The following ASIC2 variants were observed in gnomAD, a reference collection of about 807,000 sequenced individuals.
ASIC2 encodes the protein acid-sensing ion channel 2.
ASIC2 carries 25 observed loss-of-function variants against 57.3 expected under a neutral mutation model. The ratio of observed to expected loss-of-function variants is 0.44; its 90% CI spans 0.32 to 0.61. The LOEUF is 0.61. Ranked by LOEUF, ASIC2 falls within the 20% of genes least tolerant of loss-of-function variation. ASIC2 has a pLI of 0.06. For missense variants in ASIC2, 641 were observed against 738.1 expected, an observed-to-expected ratio of 0.87 and a Z score of 1.52; for synonymous variants, 319 against 307.5, an observed-to-expected ratio of 1.04 and a Z score of -0.39.
intron 1 of ASIC2, among the ~76,000 whole-genome samples, chr17:33,829,216 C>T (rs558104022): frequency 7.9e-5 from 12 of 152,236 alleles, no homozygotes; most frequent in African/African-American, 2.9e-4. Context: ...CACCCTTAGT[C>T]GTGGAACAGA....
At chr17:33,968,362 C>G (rs1318468750) in intron 1 of ASIC2, among the ~76,000 whole-genome samples, 1 of 152,156 alleles carries the variant, frequency 6.6e-6, no homozygotes, top group Non-Finnish European at 1.5e-5. Flanking sequence ...AAAAATAAAG[C>G]CCGCCTGCAA....
chr17:33,256,790 C>T (rs1470742123), intron 1 of ASIC2, among the ~76,000 whole-genome samples: 1 of 152,142 alleles, frequency 6.6e-6, no homozygotes, highest in African/African-American at 2.4e-5. Context: ...CAAGATTGTG[C>T]CACTGCACTC....
chr17:34,025,711 C>T (rs1907352000), intron 1 of ASIC2, among the ~76,000 whole-genome samples: 1 of 152,174 alleles, frequency 6.6e-6, no homozygotes, highest in Non-Finnish European at 1.5e-5. Flanking sequence ...CTTACTAATC[C>T]TTTAGCCATG....
chr17:33,547,685 C>T (rs1264266065), intron 1 of ASIC2, among the ~76,000 whole-genome samples: 1 of 152,190 alleles, frequency 6.6e-6, no homozygotes, highest in Non-Finnish European at 1.5e-5. Context: ...CTGGCTGGGA[C>T]AACTCATCCC....
intron 1 of ASIC2, among the ~76,000 whole-genome samples, chr17:33,734,505 G>A (rs79590368): frequency 7.7e-4 from 118 of 152,280 alleles, no homozygotes; most frequent in African/African-American, 2.8e-3. Context: ...TGTTTACAGA[G>A]AAGCTGTCAA....
intron 1 of ASIC2, among the ~76,000 whole-genome samples, chr17:33,996,627 TG>T (rs1906169515): frequency 1.3e-5 from 2 of 152,218 alleles, no homozygotes; most frequent in Non-Finnish European, 2.9e-5. Context: ...CTTCTCCCAT[TG>T]TGTGTTCTTG....
chr17:33,308,968 T>A (rs1197735684), intron 1 of ASIC2, among the ~76,000 whole-genome samples: 1 of 152,222 alleles, frequency 6.6e-6, no homozygotes, highest in Non-Finnish European at 1.5e-5. Flanking sequence ...GTTCTACGTA[T>A]GTTGAACAGA....
intron 1 of ASIC2, among the ~76,000 whole-genome samples, chr17:33,169,341 C>A (rs1033402688): frequency 6.6e-6 from 1 of 152,206 alleles, no homozygotes; most frequent in Admixed American, 6.5e-5. Flanking sequence ...AACTGCTCTC[C>A]CATTGTCCAT....
intron 1 of ASIC2, among the ~76,000 whole-genome samples, chr17:33,774,534 G>A (rs1477758473): frequency 6.6e-6 from 1 of 152,132 alleles, no homozygotes; most frequent in Non-Finnish European, 1.5e-5. Flanking sequence ...CTATTTTTAA[G>A]CAAGAGAAAA....
chr17:33,577,824 C>T (rs1916681173), intron 1 of ASIC2, among the ~76,000 whole-genome samples: 1 of 152,208 alleles, frequency 6.6e-6, no homozygotes, highest in African/African-American at 2.4e-5. Flanking sequence ...ATCCGTGAAA[C>T]TCCTACCCTT....
chr17:33,755,112 G>T (rs1910556337), intron 1 of ASIC2, among the ~76,000 whole-genome samples: 2 of 152,190 alleles, frequency 1.3e-5, no homozygotes, highest in Non-Finnish European at 2.9e-5. Context: ...GTCATCAAAA[G>T]TGTCCTTATG....
chr17:33,853,655 C>T (rs1247135581), intron 1 of ASIC2, among the ~76,000 whole-genome samples: 4 of 152,106 alleles, frequency 2.6e-5, no homozygotes, highest in African/African-American at 7.2e-5. Context: ...TGGATTTAAT[C>T]GCAGCAGGAA....
Position 33,730,968 on chromosome 17 carries a change from G to A in ASIC2, c.555+425010C>T, listed in dbSNP as rs527422123. 4.6e-5 allele frequency among the ~76,000 whole-genome samples: 7 copies of A among 152,212 alleles called. No individual in the cohort carries two copies. In the South Asian group the frequency reaches 1.5e-3, roughly 32 times the overall value. Reference sequence around the variant, plus strand: ...ATGAGGGCAGGTTCCTGGATCTTGGGCATTTATCTTGTTTCTACAACACTC... The same window carrying A: ...ATGAGGGCAGGTTCCTGGATCTTGGACATTTATCTTGTTTCTACAACACTC... On this transcript the variant is annotated intron_variant, in intron 1 of 9. Coordinates refer to the ASIC2 transcript ENST00000359872.
At chr17:33,372,827 A>G (rs1318932442) in intron 1 of ASIC2, among the ~76,000 whole-genome samples, 1 of 152,120 alleles carries the variant, frequency 6.6e-6, no homozygotes, top group African/African-American at 2.4e-5. Context: ...GTCTTGGCTG[A>G]GGGTAGATGC....
At chr17:33,528,505 T>A (rs1214741424) in intron 1 of ASIC2, among the ~76,000 whole-genome samples, 1 of 152,184 alleles carries the variant, frequency 6.6e-6, no homozygotes, top group Non-Finnish European at 1.5e-5. Flanking sequence ...AGAAGCAGCA[T>A]GAATTGGAAG....
chr17:33,660,731 A>G (rs1907230510), intron 1 of ASIC2, among the ~76,000 whole-genome samples: 1 of 152,232 alleles, frequency 6.6e-6, no homozygotes, highest in Admixed American at 6.5e-5. Flanking sequence ...ATACCACATC[A>G]GTAGGTGACA....
chr17:33,073,941 G>T lies in ASIC2; in HGVS notation c.987+14922C>A, dbSNP rs993558082. 3.3e-5 allele frequency among the ~76,000 whole-genome samples: 5 copies of T among 152,280 alleles called. 1 individual carries two copies. The highest frequency in any genetic ancestry group is 1.2e-4 in the African/African-American group (5 of 41,556). On this transcript the variant is annotated intron_variant, in intron 3 of 9. Coordinates refer to ENST00000225823, the MANE Select transcript of ASIC2 (RefSeq NM_183377.2). Reference sequence around the variant, plus strand: ...GAGGGAGAGGGGAGAGAGGACAAGGGAGAGGGATCTGAGGAGAGAGAACAA... The same window carrying T: ...GAGGGAGAGGGGAGAGAGGACAAGGTAGAGGGATCTGAGGAGAGAGAACAA...
At chr17:34,009,196 A>G (rs1278538611) in intron 1 of ASIC2, among the ~76,000 whole-genome samples, 22 of 152,184 alleles carry the variant, frequency 1.4e-4, no homozygotes, top group Admixed American at 1.4e-3. Context: ...TCAAATGAAC[A>G]GAGACTATCG....
At chr17:33,156,134 G>T (rs908135865) in intron 1 of ASIC2, among the ~76,000 whole-genome samples, 4 of 144,142 alleles carry the variant, frequency 2.8e-5, no homozygotes, top group African/African-American at 5.0e-5. Context: ...TAGGGAGCTT[G>T]TTTTTTTTTT....
Sources: allele counts gnomAD v4.1 joint callset (sites outside exome capture counted in the v4.1 genomes callset), GRCh38; gene constraint gnomAD v4.1.1; transcripts MANE v1.5; gene names NCBI Gene and HGNC (gene_info 2026-07-23, HGNC 2026-07-21).